ZSCAN29: variants seen among roughly 807,000 people sequenced by gnomAD.
ZSCAN29 encodes the protein zinc finger and SCAN domain-containing protein 29.
A neutral mutation model predicts 71.9 loss-of-function variants in ZSCAN29; 55 were observed. The ratio of observed to expected loss-of-function variants is 0.76; its 90% CI spans 0.62 to 0.96. The LOEUF is 0.96. ZSCAN29 is among the 40% of genes least tolerant of loss of function. ZSCAN29 has a pLI of 0.00. For synonymous variants in ZSCAN29, 351 were observed against 371.6 expected (o/e 0.94, Z 0.64); for missense variants, 1,042 against 1,042.2 (o/e 1.00, Z 0.00).
rs555850118 is a variant in ZSCAN29 at position 43,369,969 on chromosome 15, C to G, written c.-56G>C. 6.6e-7 allele frequency: 1 copy of G among 1,511,966 alleles called. No homozygotes were observed. The highest frequency in any genetic ancestry group is 8.9e-7 in the Non-Finnish European group (1 of 1,126,536). The allele number at this position is 1,511,966 out of a possible 1,614,324, so 93.7% of individuals were successfully genotyped here. A position where few individuals can be genotyped will look rare whatever the true frequency, so the allele number is the denominator to read the frequency against. On this transcript the variant is annotated 5_prime_UTR_variant, in exon 2 of 6. It removes the in-frame stop codon of an upstream open reading frame in the 5' UTR. Transcript: ENST00000684362. ...GGAGTCTGGGTTCCAGGGCTTACATCTATCTTCCCATGTCCTTGGAGAATC... is the reference window on the plus strand; with the variant it reads ...GGAGTCTGGGTTCCAGGGCTTACATGTATCTTCCCATGTCCTTGGAGAATC...
rs62019445 is a variant in ZSCAN29 at position 43,361,451 on chromosome 15, G to A, written c.2181C>T (p.Ile727=). 108,613 of 1,614,122 alleles carry A rather than the reference G, an allele frequency of 0.067. 4,165 individuals are homozygous for A. The highest frequency in any genetic ancestry group is 0.077 in the Non-Finnish European group (91,304 of 1,180,000). ...ATTGATAAGGTTTCTCTCCTGTGTG[G>A]ATTCTCCTATGGGTGATGAAATTTG... ...DSSNFITHRR[I]HTGEKPYQCG... The change falls in exon 6 of 6, where the codon ATC becomes ATT. Residue 727 remains isoleucine (I), a synonymous_variant. Transcript: ENST00000684362.
chr15:43,368,832 A>C lies in ZSCAN29; in HGVS notation c.523+91T>G, dbSNP rs1337990324. 4 of 1,194,564 alleles carry C rather than the reference A, an allele frequency of 3.3e-6. No individual in the cohort carries two copies. The Admixed American group carries it at 7.5e-5, about 22-fold the overall frequency. 74.0% of individuals were successfully genotyped at this position (1,194,564 alleles called of 1,614,324 possible). The stretch of plus-strand genomic sequence containing the variant: ...ACCACATATTCTGCAATTTCCACTT[A>C]CTCCTGAAATCCCTTTCCCACTCAC... On this transcript the variant is annotated intron_variant, in intron 3 of 5. Transcript: ENST00000684362.
At chr15:43,369,200 C>A (rs1006324841) in intron 2 of ZSCAN29, 73 bp from the exon 3 acceptor site, 2 of 1,418,982 alleles carry the variant, frequency 1.4e-6, no homozygotes, top group Non-Finnish European at 1.9e-6. Flanking sequence ...GTATTTAATA[C>A]CCCAAAAGAG....
chr15:43,370,975 A>G lies in ZSCAN29; in HGVS notation c.-530T>C, dbSNP rs3840834. 77 of 259,450 alleles carry G rather than the reference A, an allele frequency of 3.0e-4. No homozygotes were observed. Among genetic ancestry groups the G allele is most frequent in the South Asian group, 6.4e-4 (15 of 23,266 alleles). 16.1% of individuals were successfully genotyped at this position (259,450 alleles called of 1,614,324 possible). A position where few individuals can be genotyped will look rare whatever the true frequency, so the allele number is the denominator to read the frequency against. Reference sequence around the variant, plus strand: ...CTCACCCACTCGGGGTCCGACCCTGACCCCGGCCCCGGCCCCGGCCCCGGC... The same window carrying G: ...CTCACCCACTCGGGGTCCGACCCTGGCCCCGGCCCCGGCCCCGGCCCCGGC... On this transcript the variant is annotated 5_prime_UTR_variant, in exon 1 of 6. Transcript: ENST00000684362.
In ZSCAN29 at chr15:43,364,288, G is replaced by C; in HGVS notation, c.1317C>G (p.Ser439Arg). The change falls in exon 5 of 6, where the codon AGC (serine) becomes AGG (arginine). Residue 439 changes from serine to arginine, a missense_variant. Physicochemically the swap from Ser to Arg is moderately radical, Grantham distance 110. Coordinates refer to ENST00000684362, the MANE Select transcript of ZSCAN29 (RefSeq NM_001372080.1). ...TCTCAGCCACTGCTCCATACAGCTG[G>C]CTGTTGCGGTGACAGTTCCGGAGGG... ...YEALRNCHRN[S>R]QLYGAVAERL... 6.2e-7 allele frequency: 1 copy of C among 1,614,182 alleles called. No homozygotes were observed. Among genetic ancestry groups the C allele is most frequent in the East Asian group, 2.2e-5 (1 of 44,882 alleles).
At position 43,366,303 on chromosome 15, in the gene ZSCAN29, C is replaced by A; in HGVS notation, c.1029G>T (p.Leu343=). ...AQVIALPSNG[L]EAAASHSGLV... is the part of the protein sequence containing the mutation. Reference sequence around the variant, plus strand: ...GGCCAGAGTGAGAGGCTGCTGCTTCCAGGCCATTACTGGGCAGGGCAATGA... The same window carrying A: ...GGCCAGAGTGAGAGGCTGCTGCTTCAAGGCCATTACTGGGCAGGGCAATGA... The change falls in exon 4 of 6, where the codon CTG becomes CTT. Residue 343 remains leucine, a synonymous_variant. Transcript: ENST00000684362. 6 of 1,613,078 alleles carry A rather than the reference C, an allele frequency of 3.7e-6. No individual in the cohort carries two copies. Among genetic ancestry groups the A allele is most frequent in the Non-Finnish European group, 5.1e-6 (6 of 1,180,026 alleles).
intron 4 of ZSCAN29, 70 bp from the exon 5 acceptor site, chr15:43,364,452 C>A: frequency 1.5e-6 from 2 of 1,356,226 alleles, no homozygotes; most frequent in Non-Finnish European, 2.1e-6. Context: ...TCAGTCCTAT[C>A]ATCTGCATCA....
At chr15:43,366,058 C>T in intron 4 of ZSCAN29, 52 bp downstream of exon 4, 1 of 1,530,920 alleles carries the variant, frequency 6.5e-7, no homozygotes, top group East Asian at 2.3e-5. Flanking sequence ...CACATCCAGT[C>T]TCTTTGTTCC....
In ZSCAN29 at chr15:43,369,491, G is replaced by A. The variant is rs528102781; in HGVS notation, c.318+105C>T. ...TACCTATACCAGACCAGAAGTATAA[G>A]CCTCACCAAGGGAGACTGTGTCCCT... On this transcript the variant is annotated intron_variant, in intron 2 of 5. Coordinates refer to ENST00000684362, the MANE Select transcript of ZSCAN29 (RefSeq NM_001372080.1). 5.9e-4 allele frequency: 762 copies of A among 1,290,414 alleles called. 1 individual carries two copies. Among genetic ancestry groups the A allele is most frequent in the South Asian group, 8.5e-4 (59 of 69,642 alleles). 79.9% of individuals were successfully genotyped at this position (1,290,414 alleles called of 1,614,324 possible). A position where few individuals can be genotyped will look rare whatever the true frequency, so the allele number is the denominator to read the frequency against.
At chr15:43,370,434 T>G in intron 1 of ZSCAN29, 124 bp downstream of exon 1, 1 of 152,922 alleles carries the variant, frequency 6.5e-6, no homozygotes, top group Non-Finnish European at 1.5e-5. Context: ...GCCTTCTGCG[T>G]CCGCCCCGCC....
chr15:43,365,366 TA>T (rs1257369843), intron 4 of ZSCAN29, among the ~76,000 whole-genome samples: 2 of 152,230 alleles, frequency 1.3e-5, no homozygotes, highest in African/African-American at 4.8e-5. Context: ...AAGGATTCCA[TA>T]GGCAAGAATA....
chr15:43,361,384 T>C lies in ZSCAN29; in HGVS notation c.2248A>G (p.Ile750Val), dbSNP rs2043977550. 6.2e-7 allele frequency: 1 copy of C among 1,614,106 alleles called. No homozygotes were observed. Among genetic ancestry groups the C allele is most frequent in the African/African-American group, 1.3e-5 (1 of 74,938 alleles). Residue 750 changes from isoleucine to valine, a missense_variant, in exon 6 of 6, where the codon ATC (isoleucine) becomes GTC (valine). By Grantham distance (29) the Ile-to-Val change is conservative (BLOSUM62 3). Transcript: ENST00000684362. Reference protein sequence around the residue: ...GKCFNQSSSLIIHQRTHTGEK... With the variant: ...GKCFNQSSSLVIHQRTHTGEK... ...CCTGTGTGGGTTCTCTGGTGAATGA[T>C]AAGGCTTGAGCTCTGATTGAAGCAT...
In ZSCAN29 at chr15:43,363,724, G is replaced by A. The variant is rs1295237049; in HGVS notation, c.1690+191C>T. 7.2e-6 allele frequency: 4 copies of A among 554,760 alleles called. No individual in the cohort carries two copies. In the East Asian group the frequency reaches 8.6e-5, roughly 12 times the overall value. 34.4% of individuals were successfully genotyped at this position (554,760 alleles called of 1,614,324 possible). The stretch of plus-strand genomic sequence containing the variant: ...AGCTATCTCAGATTGATGCTCTAGT[G>A]TGGGAAGTCAAGTCACATAAATAAT... On this transcript the variant is annotated intron_variant, in intron 5 of 5. Transcript: ENST00000684362.
chr15:43,369,233 A>G, intron 2 of ZSCAN29, 106 bp from the exon 3 acceptor site: 5 of 1,208,814 alleles, frequency 4.1e-6, no homozygotes, highest in Non-Finnish European at 4.5e-6. Context: ...AGCCATGGCC[A>G]GGGTTGTAGG....
rs1010777478 is a variant in ZSCAN29 at position 43,363,834 on chromosome 15, A to G, written c.1690+81T>C. The G allele has an allele frequency of 7.3e-6, 10 of 1,365,594 alleles. No homozygotes were observed. In the Admixed American group the frequency reaches 1.8e-4, roughly 24 times the overall value. 84.6% of individuals were successfully genotyped at this position (1,365,594 alleles called of 1,614,324 possible). On this transcript the variant is annotated intron_variant, in intron 5 of 5. Transcript: ENST00000684362. ...TCCATGAAAGCTGGGTGTAGAGGCC[A>G]GTTCTCAATCAGATGATATTTTTCC...
At position 43,358,308 on chromosome 15, in the gene ZSCAN29, C is replaced by G. The variant is rs933257307; in HGVS notation, c.*2765G>C. Reference sequence around the variant, plus strand: ...TCTGGAACCAGAATATCTGTTGATACCACAACCAATGCTTTTCCCACGAGA... The same window carrying G: ...TCTGGAACCAGAATATCTGTTGATAGCACAACCAATGCTTTTCCCACGAGA... On this transcript the variant is annotated 3_prime_UTR_variant, in exon 6 of 6. Coordinates refer to ENST00000684362, the MANE Select transcript of ZSCAN29 (RefSeq NM_001372080.1). 29 of 152,378 alleles carry G rather than the reference C, an allele frequency of 1.9e-4. No individual in the cohort carries two copies. The highest frequency in any genetic ancestry group is 6.8e-4 in the African/African-American group (28 of 41,342). The allele number at this position is 152,378 out of a possible 1,614,324, so 9.4% of individuals were successfully genotyped here.
At position 43,366,256 on chromosome 15, in the gene ZSCAN29, G is replaced by T; in HGVS notation, c.1076C>A (p.Thr359Asn). ...CCAGCCCCTCTGCCCTGGCTCTTCA[G>T]TCTCAGCATCGCTGCCTACCAGGCC... ...HSGLVGSDAE[T>N]EEPGQRGWQH... The change falls in exon 4 of 6, where the codon ACT (threonine) becomes AAT (asparagine). Residue 359 changes from threonine (T) to asparagine (N), a missense_variant. Coordinates refer to ENST00000684362, the MANE Select transcript of ZSCAN29 (RefSeq NM_001372080.1). 6.2e-7 allele frequency: 1 copy of T among 1,613,550 alleles called. No homozygotes were observed.
chr15:43,362,175 C>G (rs1169341246), intron 5 of ZSCAN29, among the ~76,000 whole-genome samples: 1 of 152,168 alleles, frequency 6.6e-6, no homozygotes, highest in Non-Finnish European at 1.5e-5. Flanking sequence ...TTTAATTCCT[C>G]TTGGTCATCT....
rs889751018 is a variant in ZSCAN29 at position 43,370,538 on chromosome 15, A to C, written c.-113+20T>G. On this transcript the variant is annotated intron_variant, in intron 1 of 5. Transcript: ENST00000684362. ...TTTCCCCGCGTAGTAGTAGCCGCTC[A>C]GCAAGGATTAGGGAGCTACCTGTCG... The C allele has an allele frequency of 1.3e-5, 2 of 152,588 alleles. No homozygotes were observed. The highest frequency in any genetic ancestry group is 4.8e-5 in the African/African-American group (2 of 41,468). 9.5% of individuals were successfully genotyped at this position (152,588 alleles called of 1,614,324 possible). A position where few individuals can be genotyped will look rare whatever the true frequency, so the allele number is the denominator to read the frequency against.
Sources: gnomAD v4.1 joint callset for allele counts (sites outside exome capture counted in the v4.1 genomes callset) on GRCh38, gnomAD v4.1.1 for gene constraint, MANE v1.5 for transcripts, NCBI Gene and HGNC (gene_info 2026-07-23, HGNC 2026-07-21) for gene names.